LTBP1: variants seen among roughly 807,000 people sequenced by gnomAD.
LTBP1 encodes latent-transforming growth factor beta-binding protein 1.
In LTBP1, 129 loss-of-function variants were observed where a neutral mutation model predicts 207.6. The ratio of observed to expected loss-of-function variants is 0.62; its 90% CI spans 0.54 to 0.72. The LOEUF (loss-of-function observed/expected upper bound fraction) is 0.72, where lower values mean the gene tolerates loss of function less well. LTBP1 is among the 30% of genes least tolerant of loss of function. The probability of loss-of-function intolerance (pLI) is 0.00; values close to 1 mark genes in which losing one functional copy is unlikely to be tolerated. For missense variants in LTBP1, 2,281 were observed against 2,217.2 expected (o/e 1.03, Z -0.58); for synonymous variants, 963 against 833.7 (o/e 1.16, Z -2.67).
intron 16 of LTBP1, among the ~76,000 whole-genome samples, chr2:33,274,170 A>T (rs1163876304): frequency 2.0e-5 from 3 of 152,174 alleles, no homozygotes; most frequent in African/African-American, 4.8e-5. Context: ...TGATTTTTTT[A>T]AAGGGATTTT....
At chr2:33,319,585 C>T (rs543245830) in intron 24 of LTBP1, among the ~76,000 whole-genome samples, 1 of 152,058 alleles carries the variant, frequency 6.6e-6, no homozygotes, top group South Asian at 2.1e-4. Flanking sequence ...TTTGTGTCAC[C>T]TCTTTTCCAT....
intron 15 of LTBP1, among the ~76,000 whole-genome samples, chr2:33,271,441 A>G (rs1009548809): frequency 1.3e-5 from 2 of 152,194 alleles, no homozygotes; most frequent in African/African-American, 4.8e-5. Context: ...GCTTCTATGT[A>G]TAATATAGAG....
In LTBP1 at chr2:33,087,084, C is replaced by CTTTTTTTTTTTTTTTTT. The variant is rs35334788; in HGVS notation, c.864-23490_864-23474dup. Among the ~76,000 whole-genome samples, 54 of 88,978 alleles carry CTTTTTTTTTTTTTTTTT rather than the reference C, an allele frequency of 6.1e-4. 7 individuals are homozygous for CTTTTTTTTTTTTTTTTT. The highest frequency in any genetic ancestry group is 1.0e-3 in the Non-Finnish European group (50 of 48,364). The allele number at this position is 88,978 out of a possible 152,430, so 58.4% of individuals were successfully genotyped here. Reference sequence around the variant, plus strand: ...AGCACCAGGCTGTCCCTCCTTTATGCTTTTTTTTTTTTTTTTTTTTTTTTG... The same window carrying CTTTTTTTTTTTTTTTTT: ...AGCACCAGGCTGTCCCTCCTTTATGCTTTTTTTTTTTTTTTTTTTTTTTTTTTTTTTTTTTTTTTTTG... On this transcript the variant is annotated intron_variant, in intron 3 of 33. Transcript: ENST00000404816.
chr2:33,175,536 A>T (rs1479159651), intron 5 of LTBP1, among the ~76,000 whole-genome samples: 3 of 152,216 alleles, frequency 2.0e-5, no homozygotes, highest in African/African-American at 7.2e-5. Flanking sequence ...AGAAACAGGA[A>T]AGCTTTTACA....
chr2:33,004,814 T>TATATATATAA lies in LTBP1; in HGVS notation c.566-16094_566-16093insTATATATAAA, dbSNP rs1178147190. Among the ~76,000 whole-genome samples the TATATATATAA allele has an allele frequency of 1.8e-3, 252 of 136,558 alleles. 2 individuals are homozygous for TATATATATAA. Among genetic ancestry groups the TATATATATAA allele is most frequent in the Non-Finnish European group, 3.5e-3 (214 of 61,506 alleles). The allele number at this position is 136,558 out of a possible 152,430, so 89.6% of individuals were successfully genotyped here. A position where few individuals can be genotyped will look rare whatever the true frequency, so the allele number is the denominator to read the frequency against. The stretch of plus-strand genomic sequence containing the variant: ...ATATATATATATATATATATATATA[T>TATATATATAA]AAACATAAAATTTGTAAAATAGTAT... On this transcript the variant is annotated intron_variant, in intron 2 of 33. Coordinates refer to ENST00000404816, the MANE Select transcript of LTBP1 (RefSeq NM_206943.4).
In LTBP1 at chr2:33,263,336, C is replaced by T. The variant is rs909546352; in HGVS notation, c.2561C>T (p.Ala854Val). 2 of 1,613,974 alleles carry T rather than the reference C, an allele frequency of 1.2e-6. No homozygotes were observed. ...KTSPPVPVEVAPEASTSSASQ... is the reference protein window; with the variant it reads ...KTSPPVPVEVVPEASTSSASQ... ...TCACCTCCTGTGCCTGTTGAAGTAG[C>T]TCCTGAAGCTTCTACGTCTAGTGCC... Residue 854 changes from alanine to valine, a missense_variant, in exon 15 of 34, where the codon GCT (alanine) becomes GTT (valine). Ala to Val is a moderately conservative substitution (Grantham distance 64, BLOSUM62 0). Around this residue, in one of 3 missense-constraint regions of LTBP1, gnomAD observed 1,671 missense variants for 1,634.8 expected, o/e 1.02. Coordinates refer to ENST00000404816, the MANE Select transcript of LTBP1 (RefSeq NM_206943.4).
chr2:33,183,915 A>C (rs2086914798), intron 5 of LTBP1, among the ~76,000 whole-genome samples: 1 of 152,168 alleles, frequency 6.6e-6, no homozygotes, highest in South Asian at 2.1e-4. Context: ...CTTGATCTGC[A>C]GCCTACGCCC....
At chr2:33,398,332 A>G in intron 33 of LTBP1, 32 bp from the exon 34 acceptor site, 1 of 1,600,498 alleles carries the variant, frequency 6.2e-7, no homozygotes, top group Non-Finnish European at 8.5e-7. Context: ...AATATCCAAG[A>G]TTGTTTACCT....
chr2:33,142,927 C>T (rs917026098), intron 5 of LTBP1, among the ~76,000 whole-genome samples: 5 of 152,196 alleles, frequency 3.3e-5, no homozygotes, highest in Admixed American at 6.5e-5. Context: ...CCTAGGCTGT[C>T]GGCTTGAGCA....
intron 3 of LTBP1, among the ~76,000 whole-genome samples, chr2:33,068,369 G>A (rs531527339): frequency 6.6e-6 from 1 of 151,914 alleles, no homozygotes. Context: ...AATGTGCACA[G>A]CTTCTTCCAT....
At chr2:33,300,180 T>C (rs1392030157) in intron 20 of LTBP1, among the ~76,000 whole-genome samples, 1 of 152,230 alleles carries the variant, frequency 6.6e-6, no homozygotes, top group Non-Finnish European at 1.5e-5. Context: ...AAATATTTCA[T>C]GTTGTATTCC....
chr2:33,343,768 G>A (rs1187482855), intron 25 of LTBP1, among the ~76,000 whole-genome samples: 2 of 152,084 alleles, frequency 1.3e-5, no homozygotes, highest in African/African-American at 4.8e-5. Flanking sequence ...CATATGTCCT[G>A]GAATATGGTC....
chr2:33,233,706 A>G (rs376831030), intron 9 of LTBP1, among the ~76,000 whole-genome samples: 62 of 152,246 alleles, frequency 4.1e-4, no homozygotes, highest in African/African-American at 1.4e-3. Flanking sequence ...CTTCTGACCC[A>G]TGGAGCTTTT....
intron 5 of LTBP1, among the ~76,000 whole-genome samples, chr2:33,168,399 CAAAAAAAAAA>C (rs10616798): frequency 9.6e-6 from 1 of 103,814 alleles, no homozygotes; most frequent in South Asian, 3.4e-4. Flanking sequence ...GTCTTTGTCT[CAAAAAAAAAA>C]AAAAAAAGAA....
chr2:33,165,373 A>G (rs780509884), intron 5 of LTBP1, among the ~76,000 whole-genome samples: 6 of 152,368 alleles, frequency 3.9e-5, no homozygotes, highest in Admixed American at 2.0e-4. Context: ...TACAATTGGC[A>G]TCTGGTTATG....
chr2:33,268,296 T>G (rs530600912), intron 15 of LTBP1, among the ~76,000 whole-genome samples: 51 of 152,336 alleles, frequency 3.3e-4, no homozygotes, highest in Admixed American at 1.9e-3. Context: ...ATAATAATGT[T>G]TTTGTCTCTA....
At chr2:33,324,007 A>G (rs1421498093) in intron 24 of LTBP1, among the ~76,000 whole-genome samples, 1 of 152,182 alleles carries the variant, frequency 6.6e-6, no homozygotes, top group Non-Finnish European at 1.5e-5. Flanking sequence ...TAAGAATAAT[A>G]ATAGCACCTA....
chr2:33,187,102 C>T (rs1352507013), intron 6 of LTBP1, 22 bp downstream of exon 6: 2 of 1,604,994 alleles, frequency 1.2e-6, no homozygotes, highest in Non-Finnish European at 1.7e-6. Flanking sequence ...TCATTCCGCC[C>T]ATTTGCCAGA....
chr2:33,333,731 C>T (rs2094523407), intron 24 of LTBP1, among the ~76,000 whole-genome samples: 1 of 151,800 alleles, frequency 6.6e-6, no homozygotes, highest in Non-Finnish European at 1.5e-5. Context: ...GGGTGTGTCC[C>T]ATAGGGAATT....
Sources: gnomAD v4.1 joint callset for allele counts (sites outside exome capture counted in the v4.1 genomes callset) on GRCh38, gnomAD v4.1.1 for gene constraint, gnomAD v4.1.1 regional missense constraint, MANE v1.5 for transcripts, NCBI Gene and HGNC (gene_info 2026-07-23, HGNC 2026-07-21) for gene names.